The following BOC variants were observed in gnomAD, a reference collection of about 807,000 sequenced individuals.
BOC encodes BOC cell adhesion associated, oncogene regulated, also known as brother of CDO.
In BOC, 76 loss-of-function variants were observed where a neutral mutation model predicts 112.0. The ratio of observed to expected loss-of-function variants is 0.68; its 90% CI spans 0.56 to 0.82. The LOEUF (loss-of-function observed/expected upper bound fraction) is 0.82, where lower values mean the gene tolerates loss of function less well. Among genes scored for constraint, BOC ranks in the 40% least tolerant of loss-of-function variants. BOC has a pLI of 0.00. For synonymous variants in BOC, 580 were observed against 599.8 expected (o/e 0.97, Z 0.48); for missense variants, 1,309 against 1,511.7 (o/e 0.87, Z 2.22).
chr3:113,222,658 G>A (rs961618313), intron 2 of BOC, among the ~76,000 whole-genome samples: 6 of 152,212 alleles, frequency 3.9e-5, no homozygotes, highest in Admixed American at 2.0e-4. Context: ...TCTGTTGAAC[G>A]TCTGCTTTGT....
At chr3:113,234,370 T>C (rs1943129834) in intron 2 of BOC, among the ~76,000 whole-genome samples, 1 of 152,152 alleles carries the variant, frequency 6.6e-6, no homozygotes, top group African/African-American at 2.4e-5. Context: ...TGTGTGCACA[T>C]GGGCATGTGC....
rs763678550 is a variant in BOC at position 113,270,931 on chromosome 3, G to T, written c.654G>T (p.Arg218Ser). 1 of 1,614,208 alleles carries T rather than the reference G, an allele frequency of 6.2e-7. No individual in the cohort carries two copies. The highest frequency in any genetic ancestry group is 8.5e-7 in the Non-Finnish European group (1 of 1,180,048). The change falls in exon 6 of 20, where the codon AGG (arginine) becomes AGT (serine). Residue 218 changes from arginine (R) to serine (S), a missense_variant. Arg to Ser is a moderately radical substitution (Grantham distance 110). Transcript: ENST00000682979. ...QEVKTSGSSDRLRVRRSTAEA... is the reference protein window; with the variant it reads ...QEVKTSGSSDSLRVRRSTAEA... The stretch of plus-strand genomic sequence containing the variant: ...TGAAAACCTCCGGCTCCAGCGACAG[G>T]CTACGTGTGCGCCGTAAGGCCCGGG...
intron 2 of BOC, among the ~76,000 whole-genome samples, chr3:113,218,396 C>G (rs748045232): frequency 6.6e-5 from 10 of 152,168 alleles, no homozygotes; most frequent in Non-Finnish European, 1.5e-4. Context: ...TGGGTTTATT[C>G]GTTTTTCTGT....
At chr3:113,213,795 T>C (rs1938753656) in intron 1 of BOC, among the ~76,000 whole-genome samples, 1 of 152,204 alleles carries the variant, frequency 6.6e-6, no homozygotes. Context: ...ATTATTTTCC[T>C]GCTATGAGTT....
intron 4 of BOC, 139 bp from the exon 5 acceptor site, chr3:113,268,160 G>A: frequency 2.3e-6 from 3 of 1,332,832 alleles, no homozygotes; most frequent in Non-Finnish European, 3.0e-6. Context: ...GGGGCTGGAG[G>A]AAGAACTCGG....
chr3:113,211,698 CCG>C lies in BOC; in HGVS notation c.-478_-477del. The C allele has an allele frequency of 2.0e-5, 3 of 152,182 alleles. No homozygotes were observed. Among genetic ancestry groups the C allele is most frequent in the Non-Finnish European group, 2.9e-5 (2 of 68,090 alleles). 9.4% of individuals were successfully genotyped at this position (152,182 alleles called of 1,614,324 possible). A position where few individuals can be genotyped will look rare whatever the true frequency, so the allele number is the denominator to read the frequency against. On this transcript the variant is annotated 5_prime_UTR_variant, in exon 1 of 20. Transcript: ENST00000682979. ...AGCCCCGGCCCGCCGGTGTCAGCCG[CCG>C]CGCGCGCGCACAGACACACACACAG... is the stretch of plus-strand genomic sequence containing the variant.
intron 2 of BOC, among the ~76,000 whole-genome samples, chr3:113,219,914 G>T (rs1435765888): frequency 6.6e-6 from 1 of 152,108 alleles, no homozygotes; most frequent in Admixed American, 6.6e-5. Flanking sequence ...CCTCCCCTGG[G>T]ATGTTGTCTG....
chr3:113,260,202 G>C (rs768511980), intron 4 of BOC, among the ~76,000 whole-genome samples: 7 of 152,140 alleles, frequency 4.6e-5, no homozygotes, highest in Non-Finnish European at 8.8e-5. Context: ...AAGACTCCCA[G>C]ATAAAACATG....
intron 1 of BOC, among the ~76,000 whole-genome samples, chr3:113,215,325 T>G: frequency 6.6e-6 from 1 of 152,150 alleles, no homozygotes; most frequent in Non-Finnish European, 1.5e-5. Flanking sequence ...GGAGGTGGAA[T>G]GCAGGAAGGA....
intron 2 of BOC, among the ~76,000 whole-genome samples, chr3:113,218,200 A>G (rs781376877): frequency 1.2e-4 from 18 of 152,284 alleles, no homozygotes; most frequent in South Asian, 1.0e-3. Flanking sequence ...AGCCCCCGCC[A>G]CCAAGTCTAC....
At chr3:113,271,502 T>C (rs1194431893) in intron 6 of BOC, 1 of 298,016 alleles carries the variant, frequency 3.4e-6, no homozygotes, top group East Asian at 8.9e-5. Context: ...AGGAGTGACA[T>C]CTTACACGGA....
intron 16 of BOC, 64 bp from the exon 17 acceptor site, chr3:113,284,268 TGGG>T: frequency 1.5e-6 from 2 of 1,371,874 alleles, no homozygotes; most frequent in Non-Finnish European, 2.1e-6. Flanking sequence ...GAGATCCTTG[TGGG>T]GCTTTTCCAA....
rs374703336 is a variant in BOC at position 113,278,728 on chromosome 3, C to A, written c.1761C>A (p.Asp587Glu). 2 of 1,568,118 alleles carry A rather than the reference C, an allele frequency of 1.3e-6. No homozygotes were observed. Among genetic ancestry groups the A allele is most frequent in the African/African-American group, 1.4e-5 (1 of 73,726 alleles). The part of the protein sequence containing the change: ...MASKEQQIQR[D>E]DPGASPQSSS... ...GCAAAGAGCAGCAGATCCAGAGAGA[C>A]GACCCTGGAGCCAGTCCCCAGAGCA... is the stretch of plus-strand genomic sequence containing the variant. Residue 587 changes from aspartate to glutamate, a missense_variant, in exon 11 of 20, where the codon GAC becomes GAA. Physicochemically the swap from Asp to Glu is conservative, Grantham distance 45. Coordinates refer to ENST00000682979, the MANE Select transcript of BOC (RefSeq NM_001378074.1). This position sits in a 1 kb window ranked among gnomAD's most constrained non-coding sequence, Gnocchi z 4.2.
rs554409236 is a variant in BOC, at chr3:113,273,087, T to C, written c.980T>C (p.Met327Thr). 8.1e-6 allele frequency: 13 copies of C among 1,605,666 alleles called. No homozygotes were observed. Among genetic ancestry groups the C allele is most frequent in the Admixed American group, 3.3e-5 (2 of 59,842 alleles). ...CTGGCAGAACCCCCTGAGGTCACCA[T>C]GGAGCTATCCCAGCTGGTCATCCCC... ...VQVFEPPEVTMELSQLVIPWG... is the reference protein window; with the variant it reads ...VQVFEPPEVTTELSQLVIPWG... Residue 327 changes from methionine (M) to threonine (T), a missense_variant, in exon 8 of 20, where the codon ATG becomes ACG. Transcript: ENST00000682979.
chr3:113,241,163 G>A (rs1391919326), intron 2 of BOC, among the ~76,000 whole-genome samples: 1 of 152,228 alleles, frequency 6.6e-6, no homozygotes, highest in Non-Finnish European at 1.5e-5. Context: ...GATGTCACTG[G>A]CCTTAATGAC....
chr3:113,275,037 G>A (rs927798293), intron 9 of BOC, among the ~76,000 whole-genome samples: 8 of 152,184 alleles, frequency 5.3e-5, no homozygotes, highest in Non-Finnish European at 8.8e-5. Context: ...TTCCTCTGTC[G>A]TTAGTTGTTG....
At chr3:113,257,305 G>T (rs1946334843) in intron 4 of BOC, among the ~76,000 whole-genome samples, 1 of 152,184 alleles carries the variant, frequency 6.6e-6, no homozygotes, top group African/African-American at 2.4e-5. Context: ...CTTGGGTGGA[G>T]CTGACCATTG....
Position 113,279,808 on chromosome 3 carries a change from G to C in BOC, c.2024-16G>C, listed in dbSNP as rs368838724. On this transcript the variant is annotated splice_polypyrimidine_tract_variant and intron_variant, in intron 12 of 19. Transcript: ENST00000682979. ...ATTTCCCAGCTCCTGAGTTCAGTGA[G>C]TGTCCCTCTCACCAGGCACCTCCTA... The C allele has an allele frequency of 4.4e-6, 7 of 1,592,528 alleles. No homozygotes were observed. Among genetic ancestry groups the C allele is most frequent in the Non-Finnish European group, 5.1e-6 (6 of 1,167,456 alleles).
At chr3:113,279,163 G>T in intron 11 of BOC, 86 bp from the exon 12 acceptor site, 1 of 1,392,608 alleles carries the variant, frequency 7.2e-7, no homozygotes. Context: ...GCCAGGCCCA[G>T]TGGGCATACA....
Sources: allele counts gnomAD v4.1 joint callset (sites outside exome capture counted in the v4.1 genomes callset), GRCh38; gene constraint gnomAD v4.1.1; non-coding constraint Gnocchi (gnomAD v3.1); transcripts MANE v1.5; gene names NCBI Gene and HGNC (gene_info 2026-07-23, HGNC 2026-07-21).